GORASP2: variants seen among roughly 807,000 people sequenced by gnomAD.
GORASP2 encodes the protein Golgi reassembly-stacking protein 2.
In GORASP2, 22 loss-of-function variants were observed where a neutral mutation model predicts 45.7. That is an observed-to-expected ratio of 0.48 (90% confidence interval 0.34 to 0.69). GORASP2 has a LOEUF of 0.69. Ranked by LOEUF, GORASP2 falls within the 30% of genes least tolerant of loss-of-function variation. The pLI, the probability that GORASP2 is intolerant of heterozygous loss-of-function variation, is 0.01. For synonymous variants in GORASP2, 221 were observed against 215.6 expected (o/e 1.02, Z -0.22); for missense variants, 491 against 562.7 (o/e 0.87, Z 1.29).
chr2:170,962,087 T>C (rs2557803), intron 8 of GORASP2, among the ~76,000 whole-genome samples: 150,480 of 152,360 alleles, frequency 0.99, 74,330 homozygotes, highest in East Asian at 1. Context: ...TTAGTGAGGA[T>C]TTCCTGGCAG....
chr2:170,937,243 C>G (rs989891464), intron 1 of GORASP2, among the ~76,000 whole-genome samples: 2 of 152,054 alleles, frequency 1.3e-5, no homozygotes, highest in African/African-American at 4.8e-5. Flanking sequence ...CGGTTTTGCT[C>G]TGTTGCCCAG....
rs770895403 is a variant in GORASP2 at position 170,961,826 on chromosome 2, T to C, written c.910+77T>C. ...TTTGCATCTTAAAAACAATGAAAAA[T>C]ATTATACCTGTGTGGTAACTTTTTA... On this transcript the variant is annotated intron_variant, in intron 8 of 9. Coordinates refer to ENST00000234160, the MANE Select transcript of GORASP2 (RefSeq NM_015530.5). 79 of 833,100 alleles carry C rather than the reference T, an allele frequency of 9.5e-5. 1 individual carries two copies. In the Admixed American group the frequency reaches 9.7e-4, roughly 10 times the overall value. The allele number at this position is 833,100 out of a possible 1,614,324, so 51.6% of individuals were successfully genotyped here. A position where few individuals can be genotyped will look rare whatever the true frequency, so the allele number is the denominator to read the frequency against.
upstream of GORASP2, chr2:170,929,029 G>C (rs191417047): frequency 5.8e-5 from 18 of 309,986 alleles, no homozygotes; most frequent in Admixed American, 5.1e-4. Flanking sequence ...CGCCAAAGCT[G>C]GGGGAAGCGC....
Position 170,962,860 on chromosome 2 carries a change from G to A in GORASP2, c.932G>A (p.Gly311Glu). 3.1e-6 allele frequency: 5 copies of A among 1,613,558 alleles called. No individual in the cohort carries two copies. Among genetic ancestry groups the A allele is most frequent in the African/African-American group, 1.3e-5 (1 of 74,916 alleles). ...TCAGGTCTGATGCCTTTACCAGCAG[G>A]ACTGCCCAACCTCCCCAACCTCAAC... is the stretch of plus-strand genomic sequence containing the variant. ...TLPGLMPLPA[G>E]LPNLPNLNLN... The change falls in exon 9 of 10, where the codon GGA (glycine) becomes GAA (glutamate). Residue 311 changes from glycine (G) to glutamate (E), a missense_variant. Gly to Glu is a moderately conservative substitution (Grantham distance 98, BLOSUM62 -2). Transcript: ENST00000234160.
intron 1 of GORASP2, among the ~76,000 whole-genome samples, chr2:170,942,620 G>A (rs1030030790): frequency 2.0e-5 from 3 of 152,264 alleles, no homozygotes; most frequent in Admixed American, 2.0e-4. Context: ...GGACATTTGG[G>A]CTGTTTCTAC....
At chr2:170,949,029 C>G (rs1575474414) in intron 2 of GORASP2, among the ~76,000 whole-genome samples, 1 of 152,116 alleles carries the variant, frequency 6.6e-6, no homozygotes, top group East Asian at 1.9e-4. Flanking sequence ...TCATTACTTA[C>G]AACATCTCTG....
chr2:170,936,396 A>AT (rs1325819168), intron 1 of GORASP2, among the ~76,000 whole-genome samples: 5 of 151,264 alleles, frequency 3.3e-5, no homozygotes, highest in Non-Finnish European at 7.4e-5. Flanking sequence ...CAATTTTAAA[A>AT]TTTTTTTGTA....
intron 1 of GORASP2, among the ~76,000 whole-genome samples, chr2:170,940,194 A>T (rs1454597287): frequency 1.3e-5 from 2 of 152,258 alleles, no homozygotes; most frequent in Non-Finnish European, 2.9e-5. Flanking sequence ...AACATGGATA[A>T]GTGTGTCTTT....
chr2:170,929,207 C>T, upstream of GORASP2: 1 of 592,930 alleles, frequency 1.7e-6, no homozygotes, highest in Non-Finnish European at 2.5e-6. Flanking sequence ...GATCTCCCGG[C>T]GGGCTGTGCG....
chr2:170,931,445 A>G (rs975185585), intron 1 of GORASP2, among the ~76,000 whole-genome samples: 1 of 152,216 alleles, frequency 6.6e-6, no homozygotes, highest in Non-Finnish European at 1.5e-5. Flanking sequence ...GATATATTTC[A>G]TTGTTAGATT....
chr2:170,965,722 C>A, intron 9 of GORASP2, 68 bp from the exon 10 acceptor site: 1 of 1,034,664 alleles, frequency 9.7e-7, no homozygotes, highest in Non-Finnish European at 1.5e-6. Context: ...ATAAAAATAG[C>A]CCTTTGACAA....
intron 1 of GORASP2, among the ~76,000 whole-genome samples, chr2:170,942,674 G>A (rs1704104157): frequency 6.6e-6 from 1 of 152,182 alleles, no homozygotes; most frequent in African/African-American, 2.4e-5. Flanking sequence ...TTTGTGTACA[G>A]GTTTTTGCAT....
rs746351983 is a variant in GORASP2 at position 170,956,462 on chromosome 2, GTCT to G, written c.728_730del (p.Ser243del). ...TCCAGCTGTCCTCAGTTAATCCCCCGTCTTTGTCACCACCAGGAACTACAGGAA... is the reference window on the plus strand; with the variant it reads ...TCCAGCTGTCCTCAGTTAATCCCCCGTTGTCACCACCAGGAACTACAGGAA... On this transcript the variant is annotated inframe_deletion, in exon 7 of 10. Coordinates refer to ENST00000234160, the MANE Select transcript of GORASP2 (RefSeq NM_015530.5). 8.1e-6 allele frequency: 13 copies of G among 1,612,392 alleles called. No homozygotes were observed. Among genetic ancestry groups the G allele is most frequent in the African/African-American group, 1.3e-5 (1 of 74,740 alleles).
At chr2:170,950,703 T>C (rs1355764180) in intron 4 of GORASP2, among the ~76,000 whole-genome samples, 1 of 152,196 alleles carries the variant, frequency 6.6e-6, no homozygotes, top group Admixed American at 6.5e-5. Flanking sequence ...GAGAAAAGGC[T>C]GGGCACAGTG....
At chr2:170,956,806 C>T (rs564801289) in intron 7 of GORASP2, among the ~76,000 whole-genome samples, 1 of 152,032 alleles carries the variant, frequency 6.6e-6, no homozygotes, top group Admixed American at 6.6e-5. Context: ...CCCAGCTCCT[C>T]GAGAGCCTGA....
intron 1 of GORASP2, among the ~76,000 whole-genome samples, chr2:170,939,553 A>C (rs1353478266): frequency 3.3e-5 from 5 of 152,222 alleles, no homozygotes; most frequent in African/African-American, 1.2e-4. Flanking sequence ...TAAACAGTTC[A>C]TAAGTGGTAG....
At chr2:170,934,816 C>T (rs1339458411) in intron 1 of GORASP2, among the ~76,000 whole-genome samples, 15 of 152,056 alleles carry the variant, frequency 9.9e-5, no homozygotes, top group Admixed American at 9.8e-4. Context: ...CAGCTCACTG[C>T]AACCTCCGCC....
intron 6 of GORASP2, among the ~76,000 whole-genome samples, chr2:170,955,707 C>T (rs565520813): frequency 1.3e-5 from 2 of 152,314 alleles, no homozygotes; most frequent in East Asian, 3.9e-4. Context: ...TGTTCAGACC[C>T]CAACCACCAT....
intron 2 of GORASP2, 154 bp from the exon 3 acceptor site, chr2:170,949,385 T>C: frequency 1.7e-6 from 1 of 588,572 alleles, no homozygotes. Context: ...TTCTTGACAT[T>C]CTTTTACATA....
Sources: allele counts gnomAD v4.1 joint callset (sites outside exome capture counted in the v4.1 genomes callset), GRCh38; gene constraint gnomAD v4.1.1; transcripts MANE v1.5; gene names NCBI Gene and HGNC (gene_info 2026-07-23, HGNC 2026-07-21).